PCDHGA10: variants seen among roughly 807,000 people sequenced by gnomAD.
The protein encoded by PCDHGA10 is protocadherin gamma subfamily A, 10.
A neutral mutation model predicts 59.5 loss-of-function variants in PCDHGA10; 42 were observed. That is an observed-to-expected ratio of 0.71 (90% confidence interval 0.55 to 0.91). The LOEUF (loss-of-function observed/expected upper bound fraction) is 0.91, where lower values mean the gene tolerates loss of function less well. PCDHGA10 is among the 40% of genes least tolerant of loss of function. The pLI is 0.00. For missense variants in PCDHGA10, 1,111 were observed against 1,198.2 expected (o/e 0.93, Z 1.07); for synonymous variants, 511 against 517.2 (o/e 0.99, Z 0.16).
At chr5:141,483,988 G>A (rs78891657) in intron 1 of PCDHGA10, among the ~76,000 whole-genome samples, 1,520 of 149,036 alleles carry the variant, frequency 0.01, 30 homozygotes, top group African/African-American at 0.037. Flanking sequence ...TAGCTAGGTT[G>A]CTGGGAGGTC....
Position 141,511,409 on chromosome 5 carries a change from G to C in PCDHGA10, c.*236G>C, listed in dbSNP as rs999907393. On this transcript the variant is annotated 3_prime_UTR_variant, in exon 4 of 4. Coordinates refer to ENST00000398610, the MANE Select transcript of PCDHGA10 (RefSeq NM_018913.3). Reference sequence around the variant, plus strand: ...GGGAACCCCCATCCAATCAACTGCTGTACCCATGGGGGTAGTGGGGTTACT... The same window carrying C: ...GGGAACCCCCATCCAATCAACTGCTCTACCCATGGGGGTAGTGGGGTTACT... The C allele has an allele frequency of 1.1e-6, 1 of 908,516 alleles. No homozygotes were observed. The highest frequency in any genetic ancestry group is 1.7e-5 in the African/African-American group (1 of 59,504). The allele number at this position is 908,516 out of a possible 1,614,324, so 56.3% of individuals were successfully genotyped here.
rs2096301395 is a variant in PCDHGA10, at chr5:141,418,913, C to A, written c.2436+3302C>A. On this transcript the variant is annotated intron_variant, in intron 1 of 3. Coordinates refer to ENST00000398610, the MANE Select transcript of PCDHGA10 (RefSeq NM_018913.3). ...CAGCCCAGAAATAATCATCACGTCA[C>A]TCTCTGATCAGATTATGGAGGATTC... The A allele has an allele frequency of 2.5e-6, 4 of 1,613,946 alleles. No homozygotes were observed. The highest frequency in any genetic ancestry group is 3.4e-6 in the Non-Finnish European group (4 of 1,179,822).
rs1214853229 is a variant in PCDHGA10 at position 141,432,238 on chromosome 5, GAA to G, written c.2436+16628_2436+16629del. ...CCCAGATCACTTATTCCCTGGCTGA[GAA>G]CACCATCCAAGGGGCAAGCCTATCG... On this transcript the variant is annotated intron_variant, in intron 1 of 3. Coordinates refer to ENST00000398610, the MANE Select transcript of PCDHGA10 (RefSeq NM_018913.3). The surrounding 1 kb of genome is among the most constrained non-coding windows in gnomAD (Gnocchi z 6.0). 1 of 1,614,216 alleles carries G rather than the reference GAA, an allele frequency of 6.2e-7. No homozygotes were observed. The highest frequency in any genetic ancestry group is 2.2e-5 in the East Asian group (1 of 44,882).
rs2099691833 is a variant in PCDHGA10, at chr5:141,489,761, C to A, written c.2437-5046C>A. 8.1e-6 allele frequency: 13 copies of A among 1,614,102 alleles called. No individual in the cohort carries two copies. The highest frequency in any genetic ancestry group is 1.1e-5 in the Non-Finnish European group (13 of 1,179,962). ...ACTGTGAGCTTTTACACTCTAAGCCCCAACAGCCACTTCTCTCTGAATGTG... is the reference window on the plus strand; with the variant it reads ...ACTGTGAGCTTTTACACTCTAAGCCACAACAGCCACTTCTCTCTGAATGTG... On this transcript the variant is annotated intron_variant, in intron 1 of 3. Coordinates refer to ENST00000398610, the MANE Select transcript of PCDHGA10 (RefSeq NM_018913.3). The surrounding 1 kb of genome is among the most constrained non-coding windows in gnomAD (Gnocchi z 4.5).
chr5:141,413,024 C>A lies in PCDHGA10; in HGVS notation c.-152C>A. ...CAGGGCTTCAACTACACAAGCCCCA[C>A]AAACCGGCTGCTGGGCTGCAGGGAA... is the stretch of plus-strand genomic sequence containing the variant. On this transcript the variant is annotated 5_prime_UTR_variant, in exon 1 of 4. Coordinates refer to ENST00000398610, the MANE Select transcript of PCDHGA10 (RefSeq NM_018913.3). The A allele has an allele frequency of 2.7e-6, 2 of 736,250 alleles. No homozygotes were observed. The highest frequency in any genetic ancestry group is 4.2e-6 in the Non-Finnish European group (2 of 471,972). 45.6% of individuals were successfully genotyped at this position (736,250 alleles called of 1,614,324 possible). A position where few individuals can be genotyped will look rare whatever the true frequency, so the allele number is the denominator to read the frequency against.
intron 1 of PCDHGA10, among the ~76,000 whole-genome samples, chr5:141,437,983 A>G (rs544812394): frequency 4.6e-5 from 7 of 151,938 alleles, no homozygotes; most frequent in Admixed American, 2.6e-4. Context: ...GGATGCACCC[A>G]CCCCACCTCA....
Position 141,489,331 on chromosome 5 carries a change from C to G in PCDHGA10, c.2437-5476C>G. ...CTGCTGGGGCTGGGTGTCTGGGCAG[C>G]TTCGTTACTCAGTGGTGGAGGAGTC... On this transcript the variant is annotated intron_variant, in intron 1 of 3. Coordinates refer to ENST00000398610, the MANE Select transcript of PCDHGA10 (RefSeq NM_018913.3). The surrounding 1 kb of genome is among the most constrained non-coding windows in gnomAD (Gnocchi z 4.5). 1 of 1,605,478 alleles carries G rather than the reference C, an allele frequency of 6.2e-7. No homozygotes were observed. Among genetic ancestry groups the G allele is most frequent in the Non-Finnish European group, 8.5e-7 (1 of 1,174,878 alleles).
chr5:141,486,706 C>T lies in PCDHGA10; in HGVS notation c.2437-8101C>T. 1.2e-6 allele frequency: 2 copies of T among 1,614,154 alleles called. No homozygotes were observed. Among genetic ancestry groups the T allele is most frequent in the Admixed American group, 1.7e-5 (1 of 60,020 alleles). On this transcript the variant is annotated intron_variant, in intron 1 of 3. Transcript: ENST00000398610. This position sits in a 1 kb window ranked among gnomAD's most constrained non-coding sequence, Gnocchi z 5.0. ...CAGCTTCCTCTTTCATCTCTCTGAACCCCCAGACAGGAGCTGTTCATGCTA... is the reference window on the plus strand; with the variant it reads ...CAGCTTCCTCTTTCATCTCTCTGAATCCCCAGACAGGAGCTGTTCATGCTA...
Position 141,477,749 on chromosome 5 carries a change from C to T in PCDHGA10, c.2437-17058C>T. The stretch of plus-strand genomic sequence containing the variant: ...AGCTCATATCAGCGATGGGGGCACC[C>T]CGGTCCTAGCCACCAACATCAGCGT... On this transcript the variant is annotated intron_variant, in intron 1 of 3. Transcript: ENST00000398610. The surrounding 1 kb of genome is among the most constrained non-coding windows in gnomAD (Gnocchi z 4.9). 1 of 1,613,904 alleles carries T rather than the reference C, an allele frequency of 6.2e-7. No homozygotes were observed. Among genetic ancestry groups the T allele is most frequent in the Non-Finnish European group, 8.5e-7 (1 of 1,180,030 alleles).
chr5:141,494,712 C>T, intron 1 of PCDHGA10, 95 bp from the exon 2 acceptor site: 1 of 1,603,048 alleles, frequency 6.2e-7, no homozygotes, highest in Non-Finnish European at 8.5e-7. Context: ...TCTGTGCCCA[C>T]TCCCCTCCTT....
At chr5:141,502,309 T>G (rs1395136136) in intron 2 of PCDHGA10, among the ~76,000 whole-genome samples, 2 of 152,196 alleles carry the variant, frequency 1.3e-5, no homozygotes, top group Admixed American at 6.5e-5. Flanking sequence ...TTTCCTCTCC[T>G]TTAATCTGGA....
intron 2 of PCDHGA10, among the ~76,000 whole-genome samples, chr5:141,502,404 C>G (rs1270930372): frequency 6.6e-6 from 1 of 151,880 alleles, no homozygotes; most frequent in African/African-American, 2.4e-5. Context: ...TGTCCCCGAA[C>G]CTGGATTTGC....
intron 3 of PCDHGA10, among the ~76,000 whole-genome samples, chr5:141,506,045 C>G (rs1379226123): frequency 6.6e-6 from 1 of 152,078 alleles, no homozygotes; most frequent in Non-Finnish European, 1.5e-5. Flanking sequence ...TCTGGTTTTC[C>G]CATAAGGTTG....
At chr5:141,422,639 C>G (rs777330051) in intron 1 of PCDHGA10, 1 of 1,612,662 alleles carries the variant, frequency 6.2e-7, no homozygotes. Flanking sequence ...AGGGGTGCCT[C>G]CATCTTCTCA....
chr5:141,472,602 T>A (rs1032061805), intron 1 of PCDHGA10, among the ~76,000 whole-genome samples: 1 of 152,026 alleles, frequency 6.6e-6, no homozygotes, highest in South Asian at 2.1e-4. Context: ...CTTGAAATTA[T>A]AAAACAAAGA....
intron 1 of PCDHGA10, chr5:141,420,079 C>T (rs1362049053): frequency 6.2e-7 from 1 of 1,613,998 alleles, no homozygotes; most frequent in Non-Finnish European, 8.5e-7. Flanking sequence ...CTGTGGGTCC[C>T]CCCAACTACA....
chr5:141,503,222 G>C (rs540244346), intron 2 of PCDHGA10, among the ~76,000 whole-genome samples: 1 of 152,120 alleles, frequency 6.6e-6, no homozygotes, highest in Middle Eastern at 3.4e-3. Context: ...CATGAGCACC[G>C]TAAAGATGGA....
At chr5:141,419,588 A>T in intron 1 of PCDHGA10, 1 of 1,611,830 alleles carries the variant, frequency 6.2e-7, no homozygotes, top group East Asian at 2.2e-5. Flanking sequence ...GCTCTTCGAC[A>T]CAGTGCCGCG....
At chr5:141,428,141 G>C (rs1314061143) in intron 1 of PCDHGA10, 2 of 1,596,500 alleles carry the variant, frequency 1.3e-6, no homozygotes, top group African/African-American at 2.7e-5. Context: ...GCCTGGGGCT[G>C]CACACGGGAA....
Sources: gnomAD v4.1 joint callset for allele counts (sites outside exome capture counted in the v4.1 genomes callset) on GRCh38, gnomAD v4.1.1 for gene constraint, Gnocchi (gnomAD v3.1) non-coding constraint, MANE v1.5 for transcripts, NCBI Gene and HGNC (gene_info 2026-07-23, HGNC 2026-07-21) for gene names.